Variants in LRRIQ1 observed in about 807,000 individuals in gnomAD.
LRRIQ1 encodes the protein leucine-rich repeat- and IQ domain-containing protein 1.
A neutral mutation model predicts 211.9 loss-of-function variants in LRRIQ1; 210 were observed. The ratio of observed to expected loss-of-function variants is 0.99; its 90% CI spans 0.89 to 1.11. The LOEUF (loss-of-function observed/expected upper bound fraction) is 1.11, where lower values mean the gene tolerates loss of function less well. Ranked by LOEUF, LRRIQ1 falls within the 50% of genes most tolerant of loss-of-function variation. The probability of loss-of-function intolerance (pLI) is 0.00; values close to 1 mark genes in which losing one functional copy is unlikely to be tolerated. For missense variants in LRRIQ1, 2,136 were observed against 1,939.5 expected, an observed-to-expected ratio of 1.10 and a Z score of -1.90; for synonymous variants, 699 against 650.1, an observed-to-expected ratio of 1.08 and a Z score of -1.14.
At chr12:85,170,544 A>G (rs1408444698) in intron 24 of LRRIQ1, among the ~76,000 whole-genome samples, 2 of 150,948 alleles carry the variant, frequency 1.3e-5, no homozygotes, top group South Asian at 2.1e-4. Flanking sequence ...TACACTTTTT[A>G]TACATATATG....
chr12:85,057,233 T>G, intron 8 of LRRIQ1, 49 bp downstream of exon 8: 1 of 1,218,850 alleles, frequency 8.2e-7, no homozygotes, highest in Non-Finnish European at 1.1e-6. Context: ...CAATTAGCTC[T>G]TTAAAGTATA....
chr12:85,080,876 T>G (rs2136163914), intron 11 of LRRIQ1, among the ~76,000 whole-genome samples: 1 of 152,188 alleles, frequency 6.6e-6, no homozygotes, highest in South Asian at 2.1e-4. Flanking sequence ...TCTTGCTTAT[T>G]TTTTATTATT....
chr12:85,105,495 A>T (rs1261166556), intron 14 of LRRIQ1, among the ~76,000 whole-genome samples: 3 of 151,726 alleles, frequency 2.0e-5, no homozygotes, highest in Non-Finnish European at 4.4e-5. Context: ...ATTGTTTTAC[A>T]TTTTGTTTTC....
chr12:85,149,491 T>C (rs1890100410), intron 19 of LRRIQ1, among the ~76,000 whole-genome samples: 1 of 151,920 alleles, frequency 6.6e-6, no homozygotes, highest in South Asian at 2.1e-4. Context: ...GAGGTCTCTG[T>C]TCTGTTCCAT....
At chr12:85,230,866 A>G (rs1027610102) in intron 25 of LRRIQ1, among the ~76,000 whole-genome samples, 5 of 151,992 alleles carry the variant, frequency 3.3e-5, no homozygotes, top group African/African-American at 4.8e-5. Context: ...TGGCTAACAC[A>G]GTGAAACCCC....
intron 13 of LRRIQ1, among the ~76,000 whole-genome samples, chr12:85,101,934 T>G (rs899543938): frequency 2.6e-5 from 4 of 151,610 alleles, no homozygotes; most frequent in African/African-American, 9.7e-5. Context: ...ACTTACTGGC[T>G]AAAAACATGA....
intron 23 of LRRIQ1, among the ~76,000 whole-genome samples, chr12:85,157,278 TAA>T (rs965675966): frequency 2.6e-5 from 4 of 151,740 alleles, no homozygotes; most frequent in African/African-American, 9.7e-5. Flanking sequence ...ACCATCTGAT[TAA>T]AAGAGGAGGA....
At chr12:85,192,497 A>T (rs1304251620) in intron 24 of LRRIQ1, among the ~76,000 whole-genome samples, 2 of 125,452 alleles carry the variant, frequency 1.6e-5, no homozygotes, top group Non-Finnish European at 3.2e-5. Flanking sequence ...ATATAATATA[A>T]TTATATATAA....
intron 3 of LRRIQ1, among the ~76,000 whole-genome samples, chr12:85,043,331 T>G (rs1326932573): frequency 1.3e-5 from 2 of 152,032 alleles, no homozygotes; most frequent in Non-Finnish European, 2.9e-5. Flanking sequence ...AATAGCTCAT[T>G]AAAATGTCTG....
At chr12:85,155,161 A>G (rs1289096222) in intron 23 of LRRIQ1, among the ~76,000 whole-genome samples, 1 of 151,468 alleles carries the variant, frequency 6.6e-6, no homozygotes, top group Non-Finnish European at 1.5e-5. Flanking sequence ...CAACTTGCAT[A>G]CCTTATTGTT....
At chr12:85,196,807 A>C (rs1283597191) in intron 24 of LRRIQ1, among the ~76,000 whole-genome samples, 2 of 152,062 alleles carry the variant, frequency 1.3e-5, no homozygotes, top group Non-Finnish European at 2.9e-5. Flanking sequence ...CAATGGCAAC[A>C]AAAGACAAAA....
At chr12:85,147,260 G>T (rs574569053) in intron 19 of LRRIQ1, among the ~76,000 whole-genome samples, 17 of 151,804 alleles carry the variant, frequency 1.1e-4, no homozygotes, top group Admixed American at 3.3e-4. Context: ...AACAGGAAGG[G>T]GCAAAAATCC....
chr12:85,195,936 C>T (rs1257811954), intron 24 of LRRIQ1, among the ~76,000 whole-genome samples: 1 of 151,676 alleles, frequency 6.6e-6, no homozygotes, highest in Non-Finnish European at 1.5e-5. Context: ...CCCATCGTCT[C>T]AGCCCAAAAT....
intron 23 of LRRIQ1, 143 bp from the exon 24 acceptor site, chr12:85,160,470 C>A: frequency 2.1e-6 from 1 of 487,286 alleles, no homozygotes; most frequent in South Asian, 3.7e-5. Flanking sequence ...TGTTATGAAG[C>A]TTAATATAAC....
chr12:85,209,578 A>G lies in LRRIQ1; in HGVS notation c.4823-19939A>G, dbSNP rs189633223. On this transcript the variant is annotated intron_variant, in intron 24 of 26. Coordinates refer to ENST00000393217, the MANE Select transcript of LRRIQ1 (RefSeq NM_001079910.2). ...TTTTTATTTGTAAGTTCATCTGAGT[A>G]TAGCTACAGTAAATATCTAAAGTTG... Among the ~76,000 whole-genome samples the G allele has an allele frequency of 2.7e-3, 418 of 152,324 alleles. 1 individual carries two copies. The highest frequency in any genetic ancestry group is 3.7e-3 in the Non-Finnish European group (255 of 68,026).
chr12:85,120,454 CAGTT>C (rs1443181026), intron 15 of LRRIQ1, among the ~76,000 whole-genome samples: 2 of 152,192 alleles, frequency 1.3e-5, no homozygotes, highest in Middle Eastern at 3.2e-3. Flanking sequence ...GTCTTGAAAT[CAGTT>C]AGTGTCAGTC....
chr12:85,207,141 G>A (rs1893600377), intron 24 of LRRIQ1, among the ~76,000 whole-genome samples: 1 of 152,100 alleles, frequency 6.6e-6, no homozygotes, highest in Non-Finnish European at 1.5e-5. Flanking sequence ...CTGCTCTACT[G>A]ACCTTATCAC....
At chr12:85,047,041 T>C (rs1236052951) in intron 5 of LRRIQ1, among the ~76,000 whole-genome samples, 3 of 150,494 alleles carry the variant, frequency 2.0e-5, no homozygotes, top group East Asian at 4.0e-4. Context: ...TTAGGAGATA[T>C]ACCTAATGTA....
At chr12:85,233,487 G>A (rs1456518250) in intron 26 of LRRIQ1, among the ~76,000 whole-genome samples, 1 of 151,982 alleles carries the variant, frequency 6.6e-6, no homozygotes, top group Non-Finnish European at 1.5e-5. Flanking sequence ...ATTACCCCTT[G>A]CTCAGATTCT....
Sources: allele counts gnomAD v4.1 joint callset (sites outside exome capture counted in the v4.1 genomes callset), GRCh38; gene constraint gnomAD v4.1.1; transcripts MANE v1.5; gene names NCBI Gene and HGNC (gene_info 2026-07-23, HGNC 2026-07-21).